The following MSMO1 variants were observed in gnomAD, a reference collection of about 807,000 sequenced individuals.
MSMO1 encodes C-4 methylsterol oxidase.
A neutral mutation model predicts 30.4 loss-of-function variants in MSMO1; 18 were observed. That is an observed-to-expected ratio of 0.59 (90% confidence interval 0.41 to 0.88). The LOEUF is 0.88. Among genes scored for constraint, MSMO1 ranks in the 40% least tolerant of loss-of-function variants. MSMO1 has a pLI of 0.00. For synonymous variants in MSMO1, 84 were observed against 107.9 expected (o/e 0.78, Z 1.37); for missense variants, 284 against 340.5 (o/e 0.83, Z 1.31).
intron 1 of MSMO1, among the ~76,000 whole-genome samples, chr4:165,328,608 A>C (rs1270072265): frequency 6.6e-6 from 1 of 152,174 alleles, no homozygotes; most frequent in Non-Finnish European, 1.5e-5. Flanking sequence ...GTTTCTGAGA[A>C]TCCACAAATA....
At position 165,337,833 on chromosome 4, in the gene MSMO1, TC is replaced by T; in HGVS notation, c.301del (p.Leu101PhefsTer12). 2 of 1,613,644 alleles carry T rather than the reference TC, an allele frequency of 1.2e-6. No homozygotes were observed. Among genetic ancestry groups the T allele is most frequent in the Non-Finnish European group, 1.7e-6 (2 of 1,179,718 alleles). On this transcript the variant is annotated frameshift_variant, in exon 3 of 6. Transcript: ENST00000261507. LOFTEE classifies it high-confidence loss of function. ...AAAACCAATGGAAGTGTTTCAAAGT[TC>T]TTCTCTTTAATCACTTCTGTATCCA... ...WENQWKCFKV[L>X]LFNHFCIQLP... is the part of the protein sequence containing the mutation.
chr4:165,338,353 C>CAT (rs372359282), intron 3 of MSMO1, among the ~76,000 whole-genome samples: 4 of 150,374 alleles, frequency 2.7e-5, no homozygotes, highest in East Asian at 3.9e-4. Context: ...TATACACACA[C>CAT]ATATATATAC....
rs34499452 is a variant in MSMO1, at chr4:165,337,904, A to G, written c.371A>G (p.Asn124Ser). The G allele has an allele frequency of 3.5e-3, 5,727 of 1,613,530 alleles. 174 individuals are homozygous for G. In the African/African-American group the frequency reaches 0.067, roughly 19 times the overall value. Residue 124 changes from asparagine to serine, a missense_variant, in exon 3 of 6, where the codon AAT (asparagine) becomes AGT (serine). Transcript: ENST00000261507. ...ACCTATTATTTTACAGAGTATTTCAATATTCCTTATGATTGGGAAAGAATG... is the reference window on the plus strand; with the variant it reads ...ACCTATTATTTTACAGAGTATTTCAGTATTCCTTATGATTGGGAAAGAATG... ...CGTYYFTEYF[N>S]IPYDWERMPR...
rs1026314502 is a variant in MSMO1 at position 165,343,079 on chromosome 4, T to C, written c.*1133T>C. On this transcript the variant is annotated 3_prime_UTR_variant, in exon 6 of 6. Transcript: ENST00000261507. ...ATGTGATTTTTGTGTGATTATCTGGTTTCCAGTTTTAAACATTAACTGTCA... is the reference window on the plus strand; with the variant it reads ...ATGTGATTTTTGTGTGATTATCTGGCTTCCAGTTTTAAACATTAACTGTCA... 2 of 152,674 alleles carry C rather than the reference T, an allele frequency of 1.3e-5. No individual in the cohort carries two copies. Among genetic ancestry groups the C allele is most frequent in the African/African-American group, 4.8e-5 (2 of 41,476 alleles). The allele number at this position is 152,674 out of a possible 1,614,324, so 9.5% of individuals were successfully genotyped here. A position where few individuals can be genotyped will look rare whatever the true frequency, so the allele number is the denominator to read the frequency against.
intron 1 of MSMO1, among the ~76,000 whole-genome samples, chr4:165,331,341 G>A (rs1428145962): frequency 1.3e-5 from 2 of 151,988 alleles, no homozygotes; most frequent in Non-Finnish European, 2.9e-5. Flanking sequence ...ACGTGAATGT[G>A]TTTTTAGACC....
In MSMO1 at chr4:165,333,408, C is replaced by G. The variant is rs372044266; in HGVS notation, c.38C>G (p.Ala13Gly). ...GAAAGTGTCAGCATCTTTAGTTCAG[C>G]ATCCTTGGCTGTGGAATATGTAGAT... ...TNESVSIFSS[A>G]SLAVEYVDSL... Residue 13 changes from alanine to glycine, a missense_variant, in exon 2 of 6, where the codon GCA (alanine) becomes GGA (glycine). Ala to Gly is a moderately conservative substitution (Grantham distance 60). Coordinates refer to ENST00000261507, the MANE Select transcript of MSMO1 (RefSeq NM_006745.5). 3 of 1,611,770 alleles carry G rather than the reference C, an allele frequency of 1.9e-6. No individual in the cohort carries two copies. Among genetic ancestry groups the G allele is most frequent in the Non-Finnish European group, 2.5e-6 (3 of 1,179,742 alleles).
intron 2 of MSMO1, among the ~76,000 whole-genome samples, chr4:165,333,995 G>T (rs78412729): frequency 0.044 from 6,662 of 152,162 alleles, 212 homozygotes; most frequent in South Asian, 0.071. Flanking sequence ...CCCAGGCATG[G>T]TGATGTAAGT....
intron 3 of MSMO1, 114 bp downstream of exon 3, chr4:165,338,051 G>A (rs1034407602): frequency 2.2e-5 from 21 of 969,338 alleles, no homozygotes; most frequent in Admixed American, 1.3e-4. Flanking sequence ...AACTTTGGAA[G>A]TAAATAAATA....
At chr4:165,337,390 T>C (rs1747583913) in intron 2 of MSMO1, among the ~76,000 whole-genome samples, 2 of 152,230 alleles carry the variant, frequency 1.3e-5, no homozygotes, top group African/African-American at 4.8e-5. Flanking sequence ...AGCATCGACT[T>C]ACTGTGTAAA....
In MSMO1 at chr4:165,340,214, G is replaced by A. The variant is rs1190008328; in HGVS notation, c.532-7G>A. The A allele has an allele frequency of 6.2e-7, 1 of 1,613,176 alleles. No homozygotes were observed. The highest frequency in any genetic ancestry group is 1.1e-5 in the South Asian group (1 of 91,068). ...GAAATTAAGAATTTCTTATCTGTTT[G>A]TCTTAGGCTCCATTTGGAATGGAAG... On this transcript the variant is annotated splice_region_variant and splice_polypyrimidine_tract_variant and intron_variant, in intron 4 of 5. Coordinates refer to ENST00000261507, the MANE Select transcript of MSMO1 (RefSeq NM_006745.5).
chr4:165,332,014 T>C (rs1747407606), intron 1 of MSMO1, among the ~76,000 whole-genome samples: 1 of 151,320 alleles, frequency 6.6e-6, no homozygotes, highest in Admixed American at 6.6e-5. Context: ...CCACACTGTC[T>C]CCTACCCCGC....
At chr4:165,341,171 C>T (rs1303134751) in intron 5 of MSMO1, among the ~76,000 whole-genome samples, 1 of 152,046 alleles carries the variant, frequency 6.6e-6, no homozygotes, top group African/African-American at 2.4e-5. Flanking sequence ...AATAAAGGAG[C>T]ATACTTTAAA....
At chr4:165,328,690 G>T (rs998722089) in intron 1 of MSMO1, among the ~76,000 whole-genome samples, 1 of 152,176 alleles carries the variant, frequency 6.6e-6, no homozygotes, top group African/African-American at 2.4e-5. Flanking sequence ...ATGAGTAAAG[G>T]AAAAGGAAAT....
At chr4:165,340,157 T>A in intron 4 of MSMO1, 64 bp from the exon 5 acceptor site, 2 of 1,451,168 alleles carry the variant, frequency 1.4e-6, no homozygotes, top group Non-Finnish European at 1.9e-6. Flanking sequence ...CTAGCCAAGT[T>A]GACACATAAA....
At chr4:165,328,127 G>A (rs1747290694) in intron 1 of MSMO1, 1 of 152,442 alleles carries the variant, frequency 6.6e-6, no homozygotes, top group Non-Finnish European at 1.5e-5. Context: ...AAGGAGGTAA[G>A]ATGTAGTGTG....
intron 2 of MSMO1, among the ~76,000 whole-genome samples, chr4:165,336,566 A>G (rs934817): frequency 0.61 from 92,322 of 152,076 alleles, 28,342 homozygotes; most frequent in African/African-American, 0.67. Flanking sequence ...TAGTTGCTGT[A>G]GGAGACAGTA....
chr4:165,331,999 C>T (rs1294372359), intron 1 of MSMO1, among the ~76,000 whole-genome samples: 1 of 151,588 alleles, frequency 6.6e-6, no homozygotes, highest in African/African-American at 2.4e-5. Context: ...CTGTCCCCTA[C>T]TCCACCACAC....
At chr4:165,341,407 A>G (rs1041644598) in intron 5 of MSMO1, among the ~76,000 whole-genome samples, 19 of 152,190 alleles carry the variant, frequency 1.2e-4, no homozygotes, top group African/African-American at 4.6e-4. Flanking sequence ...TACAACTGTT[A>G]TACATGATGG....
chr4:165,341,694 A>C, intron 5 of MSMO1, 57 bp from the exon 6 acceptor site: 1 of 1,470,048 alleles, frequency 6.8e-7, no homozygotes, highest in East Asian at 2.3e-5. Flanking sequence ...ATTAATAAAA[A>C]CAACAATCAT....
Sources: gnomAD v4.1 joint callset for allele counts (sites outside exome capture counted in the v4.1 genomes callset) on GRCh38, gnomAD v4.1.1 for gene constraint, MANE v1.5 for transcripts, NCBI Gene and HGNC (gene_info 2026-07-23, HGNC 2026-07-21) for gene names.